The following DCBLD1 variants were observed in gnomAD, a reference collection of about 807,000 sequenced individuals.
The protein encoded by DCBLD1 is discoidin, CUB and LCCL domain-containing protein 1.
In DCBLD1, 57 loss-of-function variants were observed where a neutral mutation model predicts 71.5. The observed-to-expected ratio is 0.80, with a 90% CI of 0.64 to 0.99. The LOEUF (loss-of-function observed/expected upper bound fraction) is 0.99, where lower values mean the gene tolerates loss of function less well. Ranked by LOEUF, DCBLD1 falls within the 50% of genes least tolerant of loss-of-function variation. DCBLD1 has a pLI of 0.00. For synonymous variants in DCBLD1, 380 were observed against 363.8 expected, an observed-to-expected ratio of 1.04 and a Z score of -0.51; for missense variants, 891 against 923.5, an observed-to-expected ratio of 0.96 and a Z score of 0.46.
chr6:117,504,302 A>C (rs1777764964), intron 2 of DCBLD1, among the ~76,000 whole-genome samples: 1 of 152,232 alleles, frequency 6.6e-6, no homozygotes, highest in African/African-American at 2.4e-5. Context: ...TTTATTGAAT[A>C]GAACAGTGAC....
At position 117,548,236 on chromosome 6, in the gene DCBLD1, G is replaced by A. The variant is rs1324556460; in HGVS notation, c.1945G>A (p.Asp649Asn). ...FSPVAGVGAQ[D>N]GDYQRPHSAQ... ...CCCCGTAGCGGGTGTGGGCGCCCAG[G>A]ACGGAGACTATCAAAGGCCACACAG... Residue 649 changes from aspartate (D) to asparagine (N), a missense_variant, in exon 15 of 15, where the codon GAC becomes AAC. Physicochemically the swap from Asp to Asn is conservative, Grantham distance 23. Transcript: ENST00000338728. The A allele has an allele frequency of 6.4e-7, 1 of 1,550,612 alleles. No homozygotes were observed. Among genetic ancestry groups the A allele is most frequent in the Admixed American group, 2.0e-5 (1 of 51,018 alleles).
chr6:117,543,135 A>C lies in DCBLD1; in HGVS notation c.1369A>C (p.Thr457Pro). 6.2e-7 allele frequency: 1 copy of C among 1,614,002 alleles called. No homozygotes were observed. The highest frequency in any genetic ancestry group is 8.5e-7 in the Non-Finnish European group (1 of 1,179,866). The change falls in exon 12 of 15, where the codon ACA becomes CCA. Residue 457 changes from threonine (T) to proline (P), a missense_variant. Coordinates refer to ENST00000338728, the MANE Select transcript of DCBLD1 (RefSeq NM_001366458.2). ...TCCGTCTTCTTTAGGAATAAACATT[A>C]CAACGGTGGCTATTCCATTGGTGCT... The part of the protein sequence containing the change: ...SEETSTGINI[T>P]TVAIPLVLLV...
Position 117,540,598 on chromosome 6 carries a change from A to G in DCBLD1, c.1102-70A>G. 3 of 1,576,400 alleles carry G rather than the reference A, an allele frequency of 1.9e-6. No homozygotes were observed. The South Asian group carries it at 3.5e-5, about 18-fold the overall frequency. ...TTGCCTTGGTTTCATATAACCAGGTATAAGTGGGATGATAAACACCTAAAA... is the reference window on the plus strand; with the variant it reads ...TTGCCTTGGTTTCATATAACCAGGTGTAAGTGGGATGATAAACACCTAAAA... On this transcript the variant is annotated intron_variant, in intron 9 of 14. Transcript: ENST00000338728.
intron 5 of DCBLD1, among the ~76,000 whole-genome samples, chr6:117,527,216 A>T (rs767037251): frequency 6.6e-6 from 1 of 152,196 alleles, no homozygotes; most frequent in Non-Finnish European, 1.5e-5. Context: ...GTGGTATCCC[A>T]TCACTTTTGC....
chr6:117,539,054 A>G (rs1779001499), intron 8 of DCBLD1: 2 of 696,292 alleles, frequency 2.9e-6, no homozygotes, highest in Non-Finnish European at 4.7e-6. Flanking sequence ...TAATTCTTCA[A>G]TGGTGAAATC....
chr6:117,487,979 CT>C (rs1213605060), intron 1 of DCBLD1, among the ~76,000 whole-genome samples: 11 of 152,188 alleles, frequency 7.2e-5, no homozygotes, highest in Admixed American at 7.2e-4. Flanking sequence ...CATGTGATGA[CT>C]TCTTACCCGA....
intron 1 of DCBLD1, among the ~76,000 whole-genome samples, chr6:117,503,402 A>G (rs1777728774): frequency 6.6e-6 from 1 of 152,184 alleles, no homozygotes; most frequent in Non-Finnish European, 1.5e-5. Flanking sequence ...TTTTTTCTCC[A>G]TTGTGAATTA....
At chr6:117,547,599 T>C (rs543085417) in intron 14 of DCBLD1, 3 of 645,406 alleles carry the variant, frequency 4.6e-6, no homozygotes, top group Admixed American at 2.1e-5. Context: ...TCCACCTCCA[T>C]AGCTTCTCCA....
In DCBLD1 at chr6:117,519,878, G is replaced by A. The variant is rs142641047; in HGVS notation, c.388G>A (p.Val130Ile). The change falls in exon 3 of 15, where the codon GTC (valine) becomes ATC (isoleucine). Residue 130 changes from valine to isoleucine, a missense_variant. By Grantham distance (29) the Val-to-Ile change is conservative. Coordinates refer to ENST00000338728, the MANE Select transcript of DCBLD1 (RefSeq NM_001366458.2). The part of the protein sequence containing the change: ...ELLLNTSEVT[V>I]RFESGSHISG... ...CTTGTTGAACACAAGTGAAGTAACC[G>A]TCCGCTTTGAGAGTGGATCCCACAT... 8.1e-6 allele frequency: 13 copies of A among 1,614,078 alleles called. No homozygotes were observed. The highest frequency in any genetic ancestry group is 1.6e-4 in the Middle Eastern group (1 of 6,062).
chr6:117,484,060 G>T (rs759190210), intron 1 of DCBLD1, among the ~76,000 whole-genome samples: 1 of 152,176 alleles, frequency 6.6e-6, no homozygotes, highest in Non-Finnish European at 1.5e-5. Flanking sequence ...TTGTAAAATT[G>T]TAATAAATAC....
In DCBLD1 at chr6:117,548,393, A is replaced by G. The variant is rs1779352131; in HGVS notation, c.2102A>G (p.Asp701Gly). The change falls in exon 15 of 15, where the codon GAC becomes GGC. Residue 701 changes from aspartate (D) to glycine (G), a missense_variant. Transcript: ENST00000338728. ...AGTGACAGCTATTCTGCCCCCAGAG[A>G]CTGCCTCACACCCCTCAACCAGACG... is the stretch of plus-strand genomic sequence containing the variant. ...GTSDSYSAPR[D>G]CLTPLNQTAM... is the part of the protein sequence containing the mutation. 6 of 1,550,642 alleles carry G rather than the reference A, an allele frequency of 3.9e-6. No individual in the cohort carries two copies. The highest frequency in any genetic ancestry group is 1.4e-5 in the African/African-American group (1 of 73,154).
intron 7 of DCBLD1, among the ~76,000 whole-genome samples, 160 bp from the exon 8 acceptor site, chr6:117,538,460 G>A (rs752238195): frequency 1.3e-5 from 2 of 152,160 alleles, no homozygotes; most frequent in Non-Finnish European, 2.9e-5. Flanking sequence ...TGAGTGAAAT[G>A]CAAGTCTGGA....
chr6:117,564,361 T>G (rs1779650900), intron 14 of DCBLD1, among the ~76,000 whole-genome samples: 1 of 152,244 alleles, frequency 6.6e-6, no homozygotes, highest in South Asian at 2.1e-4. Context: ...GAATTATATT[T>G]TTATTTTTCA....
intron 2 of DCBLD1, among the ~76,000 whole-genome samples, chr6:117,505,712 A>G (rs1409139436): frequency 6.6e-6 from 1 of 152,148 alleles, no homozygotes; most frequent in Non-Finnish European, 1.5e-5. Flanking sequence ...TATGCCTGTA[A>G]TCCTAACACT....
chr6:117,556,796 C>T (rs1779500572), intron 14 of DCBLD1, among the ~76,000 whole-genome samples: 1 of 152,158 alleles, frequency 6.6e-6, no homozygotes, highest in Non-Finnish European at 1.5e-5. Flanking sequence ...TGAGAAATCT[C>T]TATACTGTTT....
chr6:117,536,507 G>C (rs1187436234), intron 6 of DCBLD1, among the ~76,000 whole-genome samples: 1 of 152,228 alleles, frequency 6.6e-6, no homozygotes, highest in Non-Finnish European at 1.5e-5. Flanking sequence ...CATTTCTCCT[G>C]TGATAGTGAT....
At chr6:117,568,742 G>A (rs1421897631) in intron 14 of DCBLD1, among the ~76,000 whole-genome samples, 1 of 152,158 alleles carries the variant, frequency 6.6e-6, no homozygotes, top group Non-Finnish European at 1.5e-5. Context: ...CTAAAAATCA[G>A]TACTGTATTA....
intron 5 of DCBLD1, among the ~76,000 whole-genome samples, chr6:117,528,244 A>T (rs1417672899): frequency 6.6e-6 from 1 of 152,214 alleles, no homozygotes; most frequent in Non-Finnish European, 1.5e-5. Context: ...GCATTTCTAT[A>T]AAGAATGCAC....
At chr6:117,541,491 CAT>C (rs1779095775) in intron 11 of DCBLD1, among the ~76,000 whole-genome samples, 1 of 152,176 alleles carries the variant, frequency 6.6e-6, no homozygotes, top group South Asian at 2.1e-4. Context: ...TTCAAGAAAA[CAT>C]AATGCGGCTT....
Sources: gnomAD v4.1 joint callset for allele counts (sites outside exome capture counted in the v4.1 genomes callset) on GRCh38, gnomAD v4.1.1 for gene constraint, MANE v1.5 for transcripts, NCBI Gene and HGNC (gene_info 2026-07-23, HGNC 2026-07-21) for gene names.